Variants in ITGB6 observed in about 807,000 individuals in gnomAD.
The protein encoded by ITGB6 is integrin subunit beta 6.
Under a neutral mutation model 84.5 loss-of-function variants are expected in ITGB6, and 80 were observed. The observed-to-expected ratio is 0.95, with a 90% CI of 0.79 to 1.14. The LOEUF (loss-of-function observed/expected upper bound fraction) is 1.14. ITGB6 is among the 50% of genes most tolerant of loss of function. The pLI is 0.00. For synonymous variants in ITGB6, 383 were observed against 354.9 expected, an observed-to-expected ratio of 1.08 and a Z score of -0.89; for missense variants, 1,006 against 968.0, an observed-to-expected ratio of 1.04 and a Z score of -0.52.
chr2:160,182,009 G>C (rs936122302), intron 4 of ITGB6, among the ~76,000 whole-genome samples: 4 of 152,106 alleles, frequency 2.6e-5, no homozygotes, highest in African/African-American at 9.7e-5. Context: ...AAATACCAAA[G>C]GTAGATAAAT....
intron 7 of ITGB6, among the ~76,000 whole-genome samples, chr2:160,166,179 G>T (rs1684994486): frequency 6.6e-6 from 1 of 152,136 alleles, no homozygotes; most frequent in South Asian, 2.1e-4. Context: ...TCATGCTTTA[G>T]AAACATTGCT....
chr2:160,161,371 A>T (rs1574103678), intron 7 of ITGB6, among the ~76,000 whole-genome samples: 1 of 152,128 alleles, frequency 6.6e-6, no homozygotes, highest in African/African-American at 2.4e-5. Context: ...ACTCACTGCA[A>T]CCTCCGCCTC....
chr2:160,159,798 C>T (rs968030960), intron 7 of ITGB6, among the ~76,000 whole-genome samples: 1 of 152,214 alleles, frequency 6.6e-6, no homozygotes, highest in African/African-American at 2.4e-5. Flanking sequence ...GTCTCACTTT[C>T]TCCCCCTTAA....
chr2:160,189,732 AG>A, intron 4 of ITGB6, among the ~76,000 whole-genome samples: 1 of 151,816 alleles, frequency 6.6e-6, no homozygotes, highest in East Asian at 1.9e-4. Flanking sequence ...GTGGAGAAAT[AG>A]GAACACTTTT....
At chr2:160,180,133 CA>C (rs967847130) in intron 4 of ITGB6, among the ~76,000 whole-genome samples, 59 of 135,276 alleles carry the variant, frequency 4.4e-4, no homozygotes, top group African/African-American at 1.5e-3. Flanking sequence ...AAAAAACAAA[CA>C]AAAAAAACAA....
chr2:160,136,991 T>C (rs1479701026), intron 10 of ITGB6, among the ~76,000 whole-genome samples: 4 of 150,892 alleles, frequency 2.7e-5, no homozygotes, highest in African/African-American at 7.3e-5. Flanking sequence ...ACATGGCACA[T>C]GTATATATAC....
chr2:160,195,394 GTGT>G lies in ITGB6; in HGVS notation c.565_567del (p.Thr189del). ...CTGCAAGGGTTGGCAATTTCTTCTG[GTGT>G]TGTTTTCACAAAAGGGGATACAGGT... On this transcript the variant is annotated inframe_deletion, in exon 4 of 15. Coordinates refer to ENST00000283249, the MANE Select transcript of ITGB6 (RefSeq NM_000888.5). The G allele has an allele frequency of 6.2e-7, 1 of 1,614,170 alleles. No homozygotes were observed. The highest frequency in any genetic ancestry group is 8.5e-7 in the Non-Finnish European group (1 of 1,180,004).
At chr2:160,186,789 A>G (rs1455938643) in intron 4 of ITGB6, among the ~76,000 whole-genome samples, 1 of 152,230 alleles carries the variant, frequency 6.6e-6, no homozygotes, top group Non-Finnish European at 1.5e-5. Flanking sequence ...GCAGTCATAA[A>G]AAAGGATGAG....
At chr2:160,164,705 A>T (rs1402342669) in intron 7 of ITGB6, among the ~76,000 whole-genome samples, 1 of 152,102 alleles carries the variant, frequency 6.6e-6, no homozygotes, top group Non-Finnish European at 1.5e-5. Context: ...CAAGAAAAAA[A>T]AAAATCCCAT....
At chr2:160,197,860 C>A (rs1559243703) in intron 2 of ITGB6, among the ~76,000 whole-genome samples, 1 of 152,210 alleles carries the variant, frequency 6.6e-6, no homozygotes, top group Non-Finnish European at 1.5e-5. Flanking sequence ...TTTCTATCTG[C>A]CCTAAGCAGA....
intron 12 of ITGB6, among the ~76,000 whole-genome samples, chr2:160,116,308 G>T (rs1487673183): frequency 6.6e-6 from 1 of 151,216 alleles, no homozygotes; most frequent in East Asian, 1.9e-4. Context: ...ACTAACAGCT[G>T]ATCTCTTGGC....
rs1395536299 is a variant in ITGB6 at position 160,142,080 on chromosome 2, A to C, written c.1018-9T>G. The C allele has an allele frequency of 2.6e-6, 4 of 1,540,518 alleles. No individual in the cohort carries two copies. Among genetic ancestry groups the C allele is most frequent in the Non-Finnish European group, 3.6e-6 (4 of 1,122,504 alleles). ...ATAAGTTTTGCGTAATTCTGTAAAC[A>C]GAAAAAGAGTAAGTCAATCTTTGTT... On this transcript the variant is annotated splice_polypyrimidine_tract_variant and intron_variant, in intron 7 of 14. Transcript: ENST00000283249.
At chr2:160,116,880 C>G (rs1376264338) in intron 12 of ITGB6, among the ~76,000 whole-genome samples, 4 of 150,678 alleles carry the variant, frequency 2.7e-5, no homozygotes, top group Admixed American at 1.3e-4. Flanking sequence ...TCTGATAAAA[C>G]AGACTTTAAA....
chr2:160,180,996 A>G (rs1685643730), intron 4 of ITGB6, among the ~76,000 whole-genome samples: 1 of 152,110 alleles, frequency 6.6e-6, no homozygotes, highest in Admixed American at 6.6e-5. Flanking sequence ...CAACCCCCAG[A>G]CCAGGAGATT....
Position 160,101,366 on chromosome 2 carries a change from T to C in ITGB6, c.*370A>G. ...ACACACAATGTGAGTATATGGGCTT[T>C]GTGACTTTGCCGAGACAAAAAACTC... On this transcript the variant is annotated 3_prime_UTR_variant, in exon 15 of 15. Transcript: ENST00000283249. The C allele has an allele frequency of 4.0e-6, 1 of 251,286 alleles. No homozygotes were observed. The highest frequency in any genetic ancestry group is 7.6e-6 in the Non-Finnish European group (1 of 131,876). 15.6% of individuals were successfully genotyped at this position (251,286 alleles called of 1,614,324 possible).
chr2:160,183,281 A>G (rs1343107020), intron 4 of ITGB6, among the ~76,000 whole-genome samples: 1 of 152,180 alleles, frequency 6.6e-6, no homozygotes, highest in Non-Finnish European at 1.5e-5. Flanking sequence ...CTCAAAATAA[A>G]GGGATGGAGG....
Position 160,196,264 on chromosome 2 carries a change from C to T in ITGB6, c.298G>A (p.Asp100Asn). 1 of 1,614,010 alleles carries T rather than the reference C, an allele frequency of 6.2e-7. No homozygotes were observed. Among genetic ancestry groups the T allele is most frequent in the Non-Finnish European group, 8.5e-7 (1 of 1,179,986 alleles). Residue 100 changes from aspartate to asparagine, a missense_variant, in exon 3 of 15, where the codon GAC becomes AAC. Transcript: ENST00000283249. Reference protein sequence around the residue: ...LSVGRQKNSSDIVQIAPQSLI... With the variant: ...LSVGRQKNSSNIVQIAPQSLI... Reference sequence around the variant, plus strand: ...CTTTGAGGCGCAATCTGAACAATGTCAGAACTATTTTTCTGTCTGCCTACA... The same window carrying T: ...CTTTGAGGCGCAATCTGAACAATGTTAGAACTATTTTTCTGTCTGCCTACA...
At chr2:160,164,008 T>A (rs1262946055) in intron 7 of ITGB6, among the ~76,000 whole-genome samples, 4 of 152,210 alleles carry the variant, frequency 2.6e-5, no homozygotes, top group Non-Finnish European at 5.9e-5. Flanking sequence ...AAAGCAGTTT[T>A]ATGATTGCCG....
intron 7 of ITGB6, among the ~76,000 whole-genome samples, chr2:160,165,257 A>G (rs895212928): frequency 4.6e-5 from 7 of 152,186 alleles, no homozygotes; most frequent in African/African-American, 2.4e-5. Flanking sequence ...AAACTTTGTT[A>G]TTTGTGTGGA....
Sources: gnomAD v4.1 joint callset for allele counts (sites outside exome capture counted in the v4.1 genomes callset) on GRCh38, gnomAD v4.1.1 for gene constraint, MANE v1.5 for transcripts, NCBI Gene and HGNC (gene_info 2026-07-23, HGNC 2026-07-21) for gene names.